IMPA1: variants seen among roughly 807,000 people sequenced by gnomAD.
IMPA1 encodes D-galactose 1-phosphate phosphatase.
Under a neutral mutation model 34.9 loss-of-function variants are expected in IMPA1, and 21 were observed. The ratio of observed to expected loss-of-function variants is 0.60; its 90% CI spans 0.43 to 0.87. The LOEUF (loss-of-function observed/expected upper bound fraction) is 0.87, where lower values mean the gene tolerates loss of function less well. IMPA1 is among the 40% of genes least tolerant of loss of function. IMPA1 has a pLI of 0.00. For synonymous variants in IMPA1, 95 were observed against 104.4 expected, an observed-to-expected ratio of 0.91 and a Z score of 0.55; for missense variants, 299 against 336.4, an observed-to-expected ratio of 0.89 and a Z score of 0.87.
intron 1 of IMPA1, among the ~76,000 whole-genome samples, chr8:81,682,373 C>T (rs1385419459): frequency 2.6e-5 from 4 of 152,034 alleles, no homozygotes. Context: ...ATAAAACAAC[C>T]CTAATTTTGT....
intron 1 of IMPA1, among the ~76,000 whole-genome samples, chr8:81,682,663 T>C (rs1302472424): frequency 2.0e-5 from 3 of 152,128 alleles, no homozygotes; most frequent in Non-Finnish European, 4.4e-5. Flanking sequence ...CCCATTCTGC[T>C]CCACTAGTCT....
At chr8:81,672,507 A>G (rs1362368949) in intron 6 of IMPA1, among the ~76,000 whole-genome samples, 1 of 152,196 alleles carries the variant, frequency 6.6e-6, no homozygotes, top group Non-Finnish European at 1.5e-5. Flanking sequence ...GCCAATCACT[A>G]AGCAATGTTA....
chr8:81,679,370 T>A, intron 3 of IMPA1, 140 bp from the exon 4 acceptor site: 1 of 624,212 alleles, frequency 1.6e-6, no homozygotes, highest in Non-Finnish European at 2.9e-6. Context: ...TCCCAGCACT[T>A]TGGGAGGCCA....
Position 81,670,938 on chromosome 8 carries a change from C to G in IMPA1, c.566+1G>C. The stretch of plus-strand genomic sequence containing the variant: ...AGATAGAATAATGGTAAAGAGCTTA[C>G]CCATGAACAGGAATGCAAAAAAGCT... On this transcript the variant is annotated splice_donor_variant, in intron 7 of 8. Coordinates refer to ENST00000256108, the MANE Select transcript of IMPA1 (RefSeq NM_005536.4). LOFTEE classifies it high-confidence loss of function. The G allele has an allele frequency of 6.9e-7, 1 of 1,440,988 alleles. No homozygotes were observed. Among genetic ancestry groups the G allele is most frequent in the Non-Finnish European group, 9.4e-7 (1 of 1,064,098 alleles). The allele number at this position is 1,440,988 out of a possible 1,614,324, so 89.3% of individuals were successfully genotyped here.
Position 81,660,501 on chromosome 8 carries a change from T to C in IMPA1, c.718+15A>G, listed in dbSNP as rs1176552985. On this transcript the variant is annotated intron_variant, in intron 8 of 8. Coordinates refer to ENST00000256108, the MANE Select transcript of IMPA1 (RefSeq NM_005536.4). ...ACAGATGTGTGGAGATCTGCTTCAC[T>C]CTCCATAATTTTACCTGTAACATCC... is the stretch of plus-strand genomic sequence containing the variant. The C allele has an allele frequency of 6.2e-7, 1 of 1,610,700 alleles. No individual in the cohort carries two copies. The highest frequency in any genetic ancestry group is 1.1e-5 in the South Asian group (1 of 90,734).
intron 1 of IMPA1, among the ~76,000 whole-genome samples, chr8:81,681,933 C>G (rs1433820461): frequency 6.6e-6 from 1 of 151,752 alleles, no homozygotes; most frequent in East Asian, 1.9e-4. Flanking sequence ...ACAGTGAAAA[C>G]GAGAAAGAAC....
rs928458715 is a variant in IMPA1 at position 81,658,952 on chromosome 8, G to C, written c.*399C>G. 6 of 199,056 alleles carry C rather than the reference G, an allele frequency of 3.0e-5. No individual in the cohort carries two copies. The highest frequency in any genetic ancestry group is 5.0e-5 in the Non-Finnish European group (5 of 100,038). 12.3% of individuals were successfully genotyped at this position (199,056 alleles called of 1,614,324 possible). A position where few individuals can be genotyped will look rare whatever the true frequency, so the allele number is the denominator to read the frequency against. On this transcript the variant is annotated 3_prime_UTR_variant, in exon 9 of 9. Coordinates refer to ENST00000256108, the MANE Select transcript of IMPA1 (RefSeq NM_005536.4). ...TATCCTTACAAATTTAATTATATAT[G>C]GTTTTTGAAACTAAAGAGAAATGTT...
rs562389283 is a variant in IMPA1 at position 81,663,380 on chromosome 8, ATAAT to A, written c.567-2717_567-2714del. ...TATATAGACCACATATGCATAGTAC[ATAAT>A]TAGTTTGTACATGGTCAACCTATAT... is the stretch of plus-strand genomic sequence containing the variant. On this transcript the variant is annotated intron_variant, in intron 7 of 8. Coordinates refer to ENST00000256108, the MANE Select transcript of IMPA1 (RefSeq NM_005536.4). Among the ~76,000 whole-genome samples, 77 of 152,342 alleles carry A rather than the reference ATAAT, an allele frequency of 5.1e-4. 1 individual carries two copies. The highest frequency in any genetic ancestry group is 1.8e-3 in the African/African-American group (75 of 41,584).
At chr8:81,679,063 G>T (rs1807215229) in intron 4 of IMPA1, 63 bp downstream of exon 4, 2 of 1,000,414 alleles carry the variant, frequency 2.0e-6, no homozygotes, top group Admixed American at 1.8e-5. Flanking sequence ...CCTAAATAGA[G>T]TATCTATAGG....
chr8:81,660,010 T>G (rs1442003130), intron 8 of IMPA1, among the ~76,000 whole-genome samples: 18 of 152,188 alleles, frequency 1.2e-4, no homozygotes, highest in Non-Finnish European at 7.3e-5. Flanking sequence ...ACTCGGTGAC[T>G]GTCTAGGCCA....
intron 7 of IMPA1, among the ~76,000 whole-genome samples, chr8:81,661,052 G>A (rs1806659608): frequency 1.3e-5 from 2 of 152,042 alleles, no homozygotes; most frequent in African/African-American, 4.8e-5. Flanking sequence ...GTCTCTAGGA[G>A]GTGTAAAATA....
chr8:81,685,887 G>A (rs1224771573), intron 1 of IMPA1: 12 of 1,547,492 alleles, frequency 7.8e-6, no homozygotes, highest in South Asian at 1.2e-5. Context: ...CGCGACTGCG[G>A]GCAGCACAGG....
intron 7 of IMPA1, among the ~76,000 whole-genome samples, chr8:81,663,899 C>T (rs1806745575): frequency 6.6e-6 from 1 of 151,978 alleles, no homozygotes; most frequent in Admixed American, 6.5e-5. Flanking sequence ...ATTAGCCAGG[C>T]GTGGTGGCGG....
Position 81,658,222 on chromosome 8 carries a change from C to T in IMPA1, c.*1129G>A, listed in dbSNP as rs1363559307. 10 of 152,114 alleles carry T rather than the reference C, an allele frequency of 6.6e-5. No homozygotes were observed. The highest frequency in any genetic ancestry group is 2.2e-4 in the African/African-American group (9 of 41,432). 9.4% of individuals were successfully genotyped at this position (152,114 alleles called of 1,614,324 possible). A position where few individuals can be genotyped will look rare whatever the true frequency, so the allele number is the denominator to read the frequency against. ...TACAATAAGTCTAGTAGTCTGTTTA[C>T]GTGCCAAGGGATAAGGCTGAACAAT... is the stretch of plus-strand genomic sequence containing the variant. On this transcript the variant is annotated 3_prime_UTR_variant, in exon 9 of 9. Transcript: ENST00000256108.
chr8:81,668,432 C>T (rs1449579811), intron 7 of IMPA1, among the ~76,000 whole-genome samples: 1 of 151,866 alleles, frequency 6.6e-6, no homozygotes, highest in African/African-American at 2.4e-5. Context: ...CAAAATACCA[C>T]AAATATAAAA....
intron 7 of IMPA1, among the ~76,000 whole-genome samples, chr8:81,663,380 A>C (rs1198175746): frequency 6.6e-6 from 1 of 152,224 alleles, no homozygotes; most frequent in Non-Finnish European, 1.5e-5. Flanking sequence ...TGCATAGTAC[A>C]TAATTAGTTT....
At chr8:81,672,173 T>C (rs567746567) in intron 6 of IMPA1, among the ~76,000 whole-genome samples, 21 of 152,340 alleles carry the variant, frequency 1.4e-4, no homozygotes, top group Admixed American at 9.8e-4. Flanking sequence ...ACTCAAATTG[T>C]TTTGCAAGTA....
intron 2 of IMPA1, 41 bp downstream of exon 2, chr8:81,681,457 A>C (rs1327373523): frequency 9.2e-7 from 1 of 1,091,398 alleles, no homozygotes; most frequent in Non-Finnish European, 1.4e-6. Flanking sequence ...CCCACCAATC[A>C]CATTATAATT....
intron 5 of IMPA1, chr8:81,674,742 A>G (rs1807081672): frequency 2.2e-6 from 1 of 447,246 alleles, no homozygotes. Context: ...TTAGCTCTCC[A>G]TATTCACACA....
Sources: allele counts gnomAD v4.1 joint callset (sites outside exome capture counted in the v4.1 genomes callset), GRCh38; gene constraint gnomAD v4.1.1; transcripts MANE v1.5; gene names NCBI Gene and HGNC (gene_info 2026-07-23, HGNC 2026-07-21).